USP25: variants seen among roughly 807,000 people sequenced by gnomAD.
The protein encoded by USP25 is ubiquitin carboxyl-terminal hydrolase 25.
Under a neutral mutation model 158.5 loss-of-function variants are expected in USP25, and 85 were observed. That is an observed-to-expected ratio of 0.54 (90% CI 0.45 to 0.64). The LOEUF is 0.64. USP25 is among the 30% of genes least tolerant of loss of function. The pLI, the probability that USP25 is intolerant of heterozygous loss-of-function variation, is 0.00. For missense variants in USP25, 1,242 were observed against 1,327.3 expected, an observed-to-expected ratio of 0.94 and a Z score of 1.00; for synonymous variants, 464 against 460.4, an observed-to-expected ratio of 1.01 and a Z score of -0.10.
chr21:15,750,214 GTTTTTTTTTTTTTTT>G (rs35867462), intron 1 of USP25, among the ~76,000 whole-genome samples: 1 of 65,634 alleles, frequency 1.5e-5, no homozygotes, highest in Non-Finnish European at 3.0e-5. Flanking sequence ...GTGTGTGTAT[GTTTTTTTTTTTTTTT>G]TTTTTTTTCC....
intron 22 of USP25, among the ~76,000 whole-genome samples, chr21:15,867,716 T>A (rs898773302): frequency 1.3e-5 from 2 of 151,958 alleles, no homozygotes; most frequent in Non-Finnish European, 2.9e-5. Flanking sequence ...CTTTTGCCAG[T>A]AAAAAAAGTA....
chr21:15,829,199 G>T (rs1324604374), intron 14 of USP25, among the ~76,000 whole-genome samples: 1 of 152,036 alleles, frequency 6.6e-6, no homozygotes, highest in Non-Finnish European at 1.5e-5. Flanking sequence ...ACATGTGCAG[G>T]TTTGCTATAA....
intron 3 of USP25, among the ~76,000 whole-genome samples, chr21:15,772,517 C>G (rs78456911): frequency 0.019 from 2,829 of 152,226 alleles, 58 homozygotes; most frequent in Non-Finnish European, 0.028. Context: ...CTTGCCTTGA[C>G]ACAGATATGA....
At chr21:15,736,024 A>G (rs2123170400) in intron 1 of USP25, among the ~76,000 whole-genome samples, 1 of 151,024 alleles carries the variant, frequency 6.6e-6, no homozygotes, top group Non-Finnish European at 1.5e-5. Context: ...ATATATATAT[A>G]TGTATGTAGA....
intron 9 of USP25, among the ~76,000 whole-genome samples, chr21:15,815,852 TGCTTTTGATATTACAG>T (rs1369076635): frequency 2.0e-5 from 3 of 152,200 alleles, no homozygotes; most frequent in African/African-American, 7.2e-5. Flanking sequence ...GTAACTAGCT[TGCTTTTGATATTACAG>T]GCTTGTAGGC....
chr21:15,861,987 A>G (rs2146544389), intron 20 of USP25, among the ~76,000 whole-genome samples: 1 of 152,256 alleles, frequency 6.6e-6, no homozygotes, highest in South Asian at 2.1e-4. Context: ...ATCTTAGAGT[A>G]TAAGAGGTTA....
At position 15,878,324 on chromosome 21, in the gene USP25, C is replaced by G. The variant is rs2040179719; in HGVS notation, c.3227C>G (p.Thr1076Arg). The G allele has an allele frequency of 6.2e-7, 1 of 1,611,402 alleles. No homozygotes were observed. Among genetic ancestry groups the G allele is most frequent in the Non-Finnish European group, 8.5e-7 (1 of 1,178,802 alleles). ...EMEPHLQEKL[T>R]DFLPKLLDCS... ...GCAGCACACCTCCAAGAAAAGCTGA[C>G]AGATTTTTTGCCAAAACTGCTTGAT... The change falls in exon 26 of 26, where the codon ACA becomes AGA. Residue 1076 changes from threonine to arginine, a missense_variant. By Grantham distance (71) the Thr-to-Arg change is moderately conservative. Around this residue, in one of 3 missense-constraint regions of USP25, gnomAD observed 608 missense variants for 605.2 expected, o/e 1.00. Transcript: ENST00000400183.
At chr21:15,757,855 G>T (rs2123367127) in intron 1 of USP25, among the ~76,000 whole-genome samples, 1 of 152,296 alleles carries the variant, frequency 6.6e-6, no homozygotes, top group Admixed American at 6.5e-5. Flanking sequence ...TGGGAGAATT[G>T]GGAGGCTAGC....
intron 20 of USP25, among the ~76,000 whole-genome samples, chr21:15,857,077 G>T (rs990440636): frequency 1.3e-5 from 2 of 152,140 alleles, no homozygotes; most frequent in African/African-American, 4.8e-5. Flanking sequence ...ATAGTCCTAG[G>T]TTTAAATCCT....
intron 9 of USP25, among the ~76,000 whole-genome samples, chr21:15,817,151 T>A (rs2036983161): frequency 6.8e-6 from 1 of 147,606 alleles, no homozygotes; most frequent in East Asian, 2.0e-4. Flanking sequence ...TAAAATGTCA[T>A]CATCATCATC....
rs912863057 is a variant in USP25, at chr21:15,879,811, T to C, written c.*1336T>C. 2 of 152,572 alleles carry C rather than the reference T, an allele frequency of 1.3e-5. No homozygotes were observed. The highest frequency in any genetic ancestry group is 4.8e-5 in the African/African-American group (2 of 41,452). The allele number at this position is 152,572 out of a possible 1,614,324, so 9.5% of individuals were successfully genotyped here. A position where few individuals can be genotyped will look rare whatever the true frequency, so the allele number is the denominator to read the frequency against. On this transcript the variant is annotated 3_prime_UTR_variant, in exon 26 of 26. Coordinates refer to ENST00000400183, the MANE Select transcript of USP25 (RefSeq NM_001283041.3). ...GGAGTAAGATGAAATATTATGCTAT[T>C]ATATGATGCTGTTTGTAAAGGTATT...
rs1568914405 is a variant in USP25, at chr21:15,870,055, C to T, written c.2806-13C>T. The T allele has an allele frequency of 6.4e-7, 1 of 1,573,100 alleles. No homozygotes were observed. The highest frequency in any genetic ancestry group is 8.6e-7 in the Non-Finnish European group (1 of 1,157,596). On this transcript the variant is annotated splice_polypyrimidine_tract_variant and intron_variant, in intron 22 of 25. Coordinates refer to ENST00000400183, the MANE Select transcript of USP25 (RefSeq NM_001283041.3). ...TTACTCTGAACATTTTTAATATTTT[C>T]TTTCACCTACAGGAGTGGCATCAGG...
At chr21:15,774,356 G>A (rs1433653941) in intron 3 of USP25, among the ~76,000 whole-genome samples, 1 of 152,104 alleles carries the variant, frequency 6.6e-6, no homozygotes, top group Non-Finnish European at 1.5e-5. Flanking sequence ...TCATATACAA[G>A]CCTTTAAGTA....
chr21:15,865,618 A>G (rs984209271), intron 21 of USP25, among the ~76,000 whole-genome samples: 1 of 152,188 alleles, frequency 6.6e-6, no homozygotes, highest in East Asian at 1.9e-4. Flanking sequence ...TATCTGTGCT[A>G]TCAGTGTACT....
At chr21:15,774,991 C>T (rs1240847251) in intron 3 of USP25, among the ~76,000 whole-genome samples, 2 of 152,040 alleles carry the variant, frequency 1.3e-5, no homozygotes, top group African/African-American at 4.8e-5. Flanking sequence ...CAAAGGGGCC[C>T]TGGGGACCCC....
At chr21:15,869,765 G>T (rs1249431365) in intron 22 of USP25, among the ~76,000 whole-genome samples, 2 of 151,982 alleles carry the variant, frequency 1.3e-5, no homozygotes, top group East Asian at 3.9e-4. Flanking sequence ...TTATACTGAT[G>T]AATTTTTGAG....
chr21:15,831,252 C>T, intron 15 of USP25, 149 bp from the exon 16 acceptor site: 15 of 671,598 alleles, frequency 2.2e-5, no homozygotes, highest in South Asian at 4.0e-5. Context: ...TAGTTTTTTT[C>T]AAACTTTTAA....
At chr21:15,824,910 T>A (rs2037423782) in intron 11 of USP25, 56 bp from the exon 12 acceptor site, 8 of 1,411,792 alleles carry the variant, frequency 5.7e-6, no homozygotes, top group Middle Eastern at 1.8e-4. Context: ...CATCTGGCCA[T>A]ATTGCATCTA....
intron 20 of USP25, among the ~76,000 whole-genome samples, chr21:15,862,437 A>ACT (rs916499673): frequency 1.3e-4 from 20 of 152,212 alleles, no homozygotes; most frequent in African/African-American, 3.8e-4. Context: ...GATTAGGGAT[A>ACT]CTCAACCTGT....
Sources: allele counts gnomAD v4.1 joint callset (sites outside exome capture counted in the v4.1 genomes callset), GRCh38; gene constraint gnomAD v4.1.1; regional missense constraint gnomAD v4.1.1; transcripts MANE v1.5; gene names NCBI Gene and HGNC (gene_info 2026-07-23, HGNC 2026-07-21).